Variants in SETBP1 observed in about 807,000 individuals in gnomAD.
SETBP1 encodes SET binding protein 1.
Under a neutral mutation model 101.0 loss-of-function variants are expected in SETBP1, and 9 were observed. The observed-to-expected ratio is 0.09, with a 90% CI of 0.05 to 0.16. SETBP1 has a LOEUF of 0.16. SETBP1 is among the 10% of genes least tolerant of loss of function. SETBP1 has a pLI of 1.00. For missense variants in SETBP1, 1,858 were observed against 2,033.8 expected (o/e 0.91, Z 1.66); for synonymous variants, 818 against 788.5 (o/e 1.04, Z -0.63).
chr18:44,874,685 T>G (rs1428781545), intron 3 of SETBP1, among the ~76,000 whole-genome samples: 1 of 152,116 alleles, frequency 6.6e-6, no homozygotes, highest in Non-Finnish European at 1.5e-5. Context: ...AACGATTAAG[T>G]GTTCAGAGGA....
At chr18:44,969,903 T>A (rs778986604) in intron 4 of SETBP1, among the ~76,000 whole-genome samples, 8 of 152,114 alleles carry the variant, frequency 5.3e-5, no homozygotes, top group Non-Finnish European at 1.0e-4. Context: ...TGGCCTTAGG[T>A]GTAGGTGCAC....
chr18:44,896,528 A>AT, intron 3 of SETBP1, among the ~76,000 whole-genome samples: 2 of 151,878 alleles, frequency 1.3e-5, no homozygotes, highest in East Asian at 3.9e-4. Context: ...TGTTTGTTGG[A>AT]TTTTTTCCGG....
rs2071331509 is a variant in SETBP1 at position 44,950,883 on chromosome 18, T to C, written c.1543T>C (p.Ser515Pro). 6.2e-7 allele frequency: 1 copy of C among 1,614,008 alleles called. No homozygotes were observed. Among genetic ancestry groups the C allele is most frequent in the Admixed American group, 1.7e-5 (1 of 59,996 alleles). The change falls in exon 4 of 6, where the codon TCC becomes CCC. Residue 515 changes from serine (S) to proline (P), a missense_variant. Transcript: ENST00000649279. ...TCCAACGTGCACAGATCACTCTCCATCCAGAAAGCTGCCAGAAATCCAGCA... is the reference window on the plus strand; with the variant it reads ...TCCAACGTGCACAGATCACTCTCCACCCAGAAAGCTGCCAGAAATCCAGCA... ...TPPTCTDHSP[S>P]RKLPEIQHPK...
At chr18:44,751,918 T>C (rs1046037972) in intron 2 of SETBP1, among the ~76,000 whole-genome samples, 2 of 152,194 alleles carry the variant, frequency 1.3e-5, no homozygotes, top group Non-Finnish European at 2.9e-5. Flanking sequence ...TGCCTTCTCA[T>C]TGTGTCCTCA....
At chr18:45,026,798 ATG>A (rs150865752) in intron 4 of SETBP1, among the ~76,000 whole-genome samples, 11 of 151,352 alleles carry the variant, frequency 7.3e-5, no homozygotes, top group Admixed American at 3.9e-4. Context: ...CTTCTGTAGC[ATG>A]TGTGTGTGTG....
chr18:44,878,434 G>GT (rs2069458465), intron 3 of SETBP1, among the ~76,000 whole-genome samples: 1 of 151,616 alleles, frequency 6.6e-6, no homozygotes, highest in Non-Finnish European at 1.5e-5. Flanking sequence ...GGTTATTGAT[G>GT]TTTTGTACTG....
intron 4 of SETBP1, among the ~76,000 whole-genome samples, chr18:45,010,749 T>C (rs1421535582): frequency 6.6e-6 from 1 of 152,220 alleles, no homozygotes; most frequent in East Asian, 1.9e-4. Context: ...ACTATGCATT[T>C]ATAAATAAAT....
intron 4 of SETBP1, among the ~76,000 whole-genome samples, chr18:45,027,904 G>C (rs550029046): frequency 1.3e-5 from 2 of 152,230 alleles, no homozygotes; most frequent in East Asian, 3.9e-4. Flanking sequence ...TTGTTTTCTA[G>C]CTTCTAGATG....
chr18:45,055,560 T>A (rs543521891), intron 5 of SETBP1, among the ~76,000 whole-genome samples: 1 of 151,392 alleles, frequency 6.6e-6, no homozygotes, highest in Non-Finnish European at 1.5e-5. Context: ...AAAATCTTGG[T>A]TTTTTTTTAA....
chr18:45,028,241 A>G (rs8092091), intron 4 of SETBP1, among the ~76,000 whole-genome samples: 49,778 of 145,848 alleles, frequency 0.34, 9,101 homozygotes, highest in Middle Eastern at 0.45. Flanking sequence ...GTTCCCACCT[A>G]TGAGTGAGAA....
intron 3 of SETBP1, among the ~76,000 whole-genome samples, chr18:44,912,460 A>G (rs1171869440): frequency 6.6e-6 from 1 of 152,084 alleles, no homozygotes; most frequent in African/African-American, 2.4e-5. Flanking sequence ...ACACCTGTCT[A>G]CATATTTTAA....
chr18:45,059,319 A>G (rs1168694569), intron 5 of SETBP1, among the ~76,000 whole-genome samples: 1 of 152,218 alleles, frequency 6.6e-6, no homozygotes, highest in Non-Finnish European at 1.5e-5. Context: ...CTCAAAAAGC[A>G]TAATCACAAT....
At chr18:44,741,851 C>A (rs1343680888) in intron 2 of SETBP1, among the ~76,000 whole-genome samples, 1 of 152,218 alleles carries the variant, frequency 6.6e-6, no homozygotes, top group African/African-American at 2.4e-5. Flanking sequence ...CCCTCACTAA[C>A]CCTCAGTGCT....
intron 2 of SETBP1, among the ~76,000 whole-genome samples, chr18:44,717,386 C>G (rs2069489968): frequency 6.6e-6 from 1 of 152,234 alleles, no homozygotes; most frequent in Non-Finnish European, 1.5e-5. Context: ...AAACTTCATG[C>G]TTTTGTCCTC....
intron 3 of SETBP1, among the ~76,000 whole-genome samples, chr18:44,904,554 A>G (rs2070128407): frequency 6.6e-6 from 1 of 152,358 alleles, no homozygotes; most frequent in South Asian, 2.1e-4. Context: ...TTAGCAATGC[A>G]AAATCCTGTG....
chr18:44,810,330 T>C (rs530920652), intron 2 of SETBP1, among the ~76,000 whole-genome samples: 3 of 152,350 alleles, frequency 2.0e-5, no homozygotes, highest in East Asian at 1.9e-4. Flanking sequence ...AACTAGACAA[T>C]GTATAAGGTG....
At chr18:44,926,417 G>C (rs570516954) in intron 3 of SETBP1, among the ~76,000 whole-genome samples, 2 of 152,314 alleles carry the variant, frequency 1.3e-5, no homozygotes, top group East Asian at 3.9e-4. Context: ...GATGGTTAGT[G>C]CTGCATCATC....
chr18:44,695,859 C>CT (rs749678683), intron 1 of SETBP1, among the ~76,000 whole-genome samples: 511 of 141,916 alleles, frequency 3.6e-3, no homozygotes, highest in African/African-American at 6.7e-3. Flanking sequence ...GGGAAACCAC[C>CT]TTTTTTTTTT....
intron 2 of SETBP1, among the ~76,000 whole-genome samples, chr18:44,725,887 C>CT (rs1404803430): frequency 6.6e-6 from 1 of 152,074 alleles, no homozygotes; most frequent in African/African-American, 2.4e-5. Context: ...AGACAATTTC[C>CT]TTTTTTACTT....
Sources: gnomAD v4.1 joint callset for allele counts (sites outside exome capture counted in the v4.1 genomes callset) on GRCh38, gnomAD v4.1.1 for gene constraint, MANE v1.5 for transcripts, NCBI Gene and HGNC (gene_info 2026-07-23, HGNC 2026-07-21) for gene names.